Variants in NCEH1 observed in about 807,000 individuals in gnomAD.
NCEH1 encodes the protein neutral cholesterol ester hydrolase 1.
A neutral mutation model predicts 25.4 loss-of-function variants in NCEH1; 9 were observed. That is an observed-to-expected ratio of 0.35 (90% CI 0.21 to 0.62). The LOEUF (loss-of-function observed/expected upper bound fraction) is 0.62. Ranked by LOEUF, NCEH1 falls within the 20% of genes least tolerant of loss-of-function variation. NCEH1 has a pLI of 0.72. For missense variants in NCEH1, 412 were observed against 501.1 expected (o/e 0.82, Z 1.70); for synonymous variants, 200 against 199.8 (o/e 1.00, Z -0.01).
chr3:172,680,182 AAT>A (rs112560376), intron 1 of NCEH1, among the ~76,000 whole-genome samples: 9 of 152,290 alleles, frequency 5.9e-5, no homozygotes, highest in African/African-American at 2.2e-4. Context: ...AAAGGTGTGA[AAT>A]AGACTCTCAT....
At chr3:172,675,294 T>G (rs1711905335) in intron 1 of NCEH1, among the ~76,000 whole-genome samples, 1 of 141,730 alleles carries the variant, frequency 7.1e-6, no homozygotes, top group African/African-American at 2.7e-5. Flanking sequence ...CAGAGCAAGA[T>G]CCTGTCTCAA....
Position 172,635,929 on chromosome 3 carries a change from G to T in NCEH1, c.596C>A (p.Ala199Asp), listed in dbSNP as rs1329289418. 1.2e-6 allele frequency: 2 copies of T among 1,613,938 alleles called. No homozygotes were observed. Among genetic ancestry groups the T allele is most frequent in the African/African-American group, 2.7e-5 (2 of 74,914 alleles). Residue 199 changes from alanine to aspartate, a missense_variant, in exon 4 of 5, where the codon GCC becomes GAC. This residue lies in a region of NCEH1 where 210 missense variants were observed against 258.2 expected (regional missense o/e 0.81). Coordinates refer to ENST00000475381, the MANE Select transcript of NCEH1 (RefSeq NM_020792.6). The part of the protein sequence containing the change: ...GDSAGGNLAA[A>D]LGQQFTQDAS... ...CAGTGGTGTTACCTGTTGTCCAAGGGCAGCAGCCAGATTTCCACCAGCACT... is the reference window on the plus strand; with the variant it reads ...CAGTGGTGTTACCTGTTGTCCAAGGTCAGCAGCCAGATTTCCACCAGCACT...
intron 1 of NCEH1, among the ~76,000 whole-genome samples, chr3:172,659,454 A>G (rs553468462): frequency 2.6e-5 from 4 of 152,278 alleles, no homozygotes; most frequent in South Asian, 2.1e-4. Context: ...AAGTCATTAA[A>G]TCTGTACTAA....
chr3:172,650,721 C>T lies in NCEH1; in HGVS notation c.139-2607G>A, dbSNP rs558841179. Among the ~76,000 whole-genome samples the T allele has an allele frequency of 3.5e-5, 5 of 140,876 alleles. No individual in the cohort carries two copies. In the South Asian group the frequency reaches 6.9e-4, roughly 19 times the overall value. The allele number at this position is 140,876 out of a possible 152,430, so 92.4% of individuals were successfully genotyped here. ...CAGCTACTCAGGAGGCTGAGGTAAG[C>T]GAATCGCTTGAACCCGGGAGGCAGA... On this transcript the variant is annotated intron_variant, in intron 1 of 4. Coordinates refer to ENST00000475381, the MANE Select transcript of NCEH1 (RefSeq NM_020792.6).
At chr3:172,639,296 C>CAAAA (rs534734447) in intron 3 of NCEH1, among the ~76,000 whole-genome samples, 13 of 95,224 alleles carry the variant, frequency 1.4e-4, no homozygotes, top group African/African-American at 4.8e-4. Context: ...GGCTCCGTCT[C>CAAAA]AAAAAAAAAA....
chr3:172,659,835 C>G (rs1405149787), intron 1 of NCEH1, among the ~76,000 whole-genome samples: 1 of 152,186 alleles, frequency 6.6e-6, no homozygotes, highest in Admixed American at 6.5e-5. Context: ...CATCTTTCCC[C>G]TTTCCTTCAG....
intron 1 of NCEH1, among the ~76,000 whole-genome samples, chr3:172,671,830 A>G (rs573013330): frequency 4.6e-5 from 7 of 152,336 alleles, no homozygotes; most frequent in Admixed American, 1.3e-4. Context: ...GATCACATAT[A>G]TGAGGGTGGT....
rs573315900 is a variant in NCEH1, at chr3:172,636,775, T to C, written c.438-688A>G. On this transcript the variant is annotated intron_variant, in intron 3 of 4. Transcript: ENST00000475381. ...CAGAGTCCTTTGGAATCCTACTCTGTACACCTAGTAGAATTCATATCCCCT... is the reference window on the plus strand; with the variant it reads ...CAGAGTCCTTTGGAATCCTACTCTGCACACCTAGTAGAATTCATATCCCCT... Among the ~76,000 whole-genome samples, 8 of 152,360 alleles carry C rather than the reference T, an allele frequency of 5.3e-5. No homozygotes were observed. In the South Asian group the frequency reaches 1.7e-3, roughly 32 times the overall value.
At chr3:172,675,308 A>C (rs1711910423) in intron 1 of NCEH1, among the ~76,000 whole-genome samples, 1 of 94,328 alleles carries the variant, frequency 1.1e-5, no homozygotes, top group Admixed American at 9.6e-5. Flanking sequence ...GTCTCAAATA[A>C]ATAAATAAAT....
intron 1 of NCEH1, among the ~76,000 whole-genome samples, chr3:172,678,751 A>G (rs1712164248): frequency 6.6e-6 from 1 of 152,194 alleles, no homozygotes; most frequent in South Asian, 2.1e-4. Flanking sequence ...GGCTTCCTAC[A>G]TGCATATATT....
intron 1 of NCEH1, among the ~76,000 whole-genome samples, chr3:172,681,681 G>A (rs551172345): frequency 2.0e-5 from 3 of 149,292 alleles, no homozygotes; most frequent in Admixed American, 6.7e-5. Context: ...CTTGAGGTCA[G>A]GAGTTCGAGA....
intron 1 of NCEH1, among the ~76,000 whole-genome samples, chr3:172,659,971 C>G (rs567766783): frequency 2.6e-5 from 4 of 151,676 alleles, no homozygotes; most frequent in African/African-American, 9.7e-5. Context: ...ATAAAAGCAA[C>G]CCCTGAAGCA....
rs763344043 is a variant in NCEH1 at position 172,656,670 on chromosome 3, G to A, written c.139-8556C>T. On this transcript the variant is annotated intron_variant, in intron 1 of 4. Transcript: ENST00000475381. ...AATCCCAGCTACTCGGGAGGCTGAC[G>A]CAGGAGAATTGCTTGACACCGGGAG... 5.3e-5 allele frequency among the ~76,000 whole-genome samples: 8 copies of A among 152,242 alleles called. No homozygotes were observed. In the East Asian group the frequency reaches 7.7e-4, roughly 15 times the overall value.
intron 1 of NCEH1, among the ~76,000 whole-genome samples, chr3:172,658,122 C>T (rs750024452): frequency 3.9e-5 from 6 of 152,090 alleles, no homozygotes; most frequent in African/African-American, 7.2e-5. Context: ...GTAAAGTAGC[C>T]GGATAAAACC....
intron 3 of NCEH1, among the ~76,000 whole-genome samples, chr3:172,643,162 A>T (rs1417742018): frequency 2.0e-5 from 3 of 152,002 alleles, no homozygotes; most frequent in Non-Finnish European, 4.4e-5. Context: ...GCTGGTCTCG[A>T]ACTCCCGACC....
intron 1 of NCEH1, among the ~76,000 whole-genome samples, chr3:172,702,127 C>T (rs1363880361): frequency 6.6e-6 from 1 of 152,204 alleles, no homozygotes. Flanking sequence ...AGGCTGGAAT[C>T]GAATTCAGGC....
At chr3:172,705,589 AAGAC>A (rs1713932599) in intron 1 of NCEH1, among the ~76,000 whole-genome samples, 3 of 152,124 alleles carry the variant, frequency 2.0e-5, no homozygotes, top group South Asian at 2.1e-4. Flanking sequence ...GGACTGTAGA[AAGAC>A]AGATATGTTG....
At chr3:172,688,420 GTTTCTT>G (rs1712827761) in intron 1 of NCEH1, among the ~76,000 whole-genome samples, 1 of 148,800 alleles carries the variant, frequency 6.7e-6, no homozygotes, top group Admixed American at 6.7e-5. Flanking sequence ...TGACGCACTT[GTTTCTT>G]TTTAAGATTT....
chr3:172,702,759 G>C (rs1378835236), intron 1 of NCEH1, among the ~76,000 whole-genome samples: 1 of 152,198 alleles, frequency 6.6e-6, no homozygotes, highest in Middle Eastern at 3.2e-3. Flanking sequence ...CAAAGCAAGA[G>C]GATCACTTGA....
Sources: gnomAD v4.1 joint callset for allele counts (sites outside exome capture counted in the v4.1 genomes callset) on GRCh38, gnomAD v4.1.1 for gene constraint, gnomAD v4.1.1 regional missense constraint, MANE v1.5 for transcripts, NCBI Gene and HGNC (gene_info 2026-07-23, HGNC 2026-07-21) for gene names.